The following FAM178B variants were observed in gnomAD, a reference collection of about 807,000 sequenced individuals.
FAM178B encodes family with sequence similarity 178 member B.
FAM178B carries 82 observed loss-of-function variants against 91.7 expected under a neutral mutation model. That is an observed-to-expected ratio of 0.89 (90% CI 0.75 to 1.07). The LOEUF is 1.07. Ranked by LOEUF, FAM178B falls within the 50% of genes least tolerant of loss-of-function variation. FAM178B has a pLI of 0.00. For synonymous variants in FAM178B, 368 were observed against 359.4 expected (o/e 1.02, Z -0.27); for missense variants, 769 against 846.7 (o/e 0.91, Z 1.14).
At chr2:96,967,412 G>T in intron 5 of FAM178B, 108 bp downstream of exon 5, 1 of 645,464 alleles carries the variant, frequency 1.5e-6, no homozygotes, top group Non-Finnish European at 2.7e-6. Flanking sequence ...TTCACAAATA[G>T]TACACAAATC....
At chr2:96,898,526 C>G (rs1009909255) in intron 13 of FAM178B, among the ~76,000 whole-genome samples, 1 of 152,118 alleles carries the variant, frequency 6.6e-6, no homozygotes, top group African/African-American at 2.4e-5. Flanking sequence ...TGGTGGTGCA[C>G]GCCCATAGTC....
At chr2:96,926,645 T>G in intron 9 of FAM178B, among the ~76,000 whole-genome samples, 1 of 127,384 alleles carries the variant, frequency 7.9e-6, no homozygotes, top group East Asian at 2.2e-4. Context: ...CCCAGTCTCA[T>G]CATTGAGCAG....
chr2:96,966,182 G>A (rs910602951), intron 5 of FAM178B, among the ~76,000 whole-genome samples: 2 of 152,154 alleles, frequency 1.3e-5, no homozygotes, highest in East Asian at 1.9e-4. Context: ...CACGCCAGGT[G>A]CACTCCCACA....
chr2:96,937,189 C>A (rs1331150478), intron 8 of FAM178B, among the ~76,000 whole-genome samples: 5 of 104,448 alleles, frequency 4.8e-5, no homozygotes, highest in African/African-American at 3.8e-4. Flanking sequence ...AACCACCACA[C>A]CTGGCCTGTT....
At chr2:96,926,571 C>T (rs1266972653) in intron 9 of FAM178B, among the ~76,000 whole-genome samples, 2 of 152,208 alleles carry the variant, frequency 1.3e-5, no homozygotes, top group Non-Finnish European at 2.9e-5. Flanking sequence ...AGCTCCCCCA[C>T]CACCCGCTTC....
At chr2:96,912,990 C>T (rs999329827) in intron 12 of FAM178B, among the ~76,000 whole-genome samples, 4 of 152,032 alleles carry the variant, frequency 2.6e-5, no homozygotes, top group African/African-American at 4.8e-5. Context: ...GGCAGGAGCT[C>T]GAGGGAGATG....
chr2:96,921,364 C>G (rs989121833), intron 11 of FAM178B, 102 bp from the exon 12 acceptor site: 2 of 1,506,168 alleles, frequency 1.3e-6, no homozygotes, highest in South Asian at 1.2e-5. Flanking sequence ...TCACGGAGAT[C>G]AGGGACATTC....
intron 14 of FAM178B, among the ~76,000 whole-genome samples, chr2:96,878,843 G>T (rs1574171638): frequency 1.3e-5 from 2 of 152,332 alleles, no homozygotes; most frequent in African/African-American, 2.4e-5. Context: ...TGGGGAGAGG[G>T]GCCTATCCAC....
intron 1 of FAM178B, among the ~76,000 whole-genome samples, chr2:96,973,610 CA>C (rs944806635): frequency 1.8e-4 from 28 of 152,010 alleles, no homozygotes; most frequent in Non-Finnish European, 2.6e-4. Context: ...TCGCAGTTTA[CA>C]AAAAACAAAC....
At chr2:96,882,840 T>C (rs2080420351) in intron 14 of FAM178B, among the ~76,000 whole-genome samples, 1 of 152,118 alleles carries the variant, frequency 6.6e-6, no homozygotes, top group Non-Finnish European at 1.5e-5. Flanking sequence ...GGCACGTTAG[T>C]CAGGCTGGGA....
At position 96,967,543 on chromosome 2, in the gene FAM178B, T is replaced by C. The variant is rs1252393503; in HGVS notation, c.711A>G (p.Glu237=). Residue 237 remains glutamate (E), a synonymous_variant, in exon 5 of 17, where the codon GAA becomes GAG. Coordinates refer to ENST00000490605, the MANE Select transcript of FAM178B (RefSeq NM_001122646.3). ...NLNSLDLDEE[E]VPLTPEHRML... is the part of the protein sequence containing the mutation. The stretch of plus-strand genomic sequence containing the variant: ...ACCTGTGCTCGGGTGTGAGTGGCAC[T>C]TCCTCTTCATCAAGATCCAAGGAGT... 6.5e-7 allele frequency: 1 copy of C among 1,550,228 alleles called. No individual in the cohort carries two copies. The highest frequency in any genetic ancestry group is 2.0e-5 in the Admixed American group (1 of 51,006).
chr2:96,877,609 G>GCCA (rs1415166987), intron 16 of FAM178B: 7 of 391,290 alleles, frequency 1.8e-5, no homozygotes, highest in Admixed American at 1.5e-4. Context: ...CACCATGTTG[G>GCCA]CCAGGCTGGT....
intron 13 of FAM178B, chr2:96,898,023 C>A (rs745494656): frequency 3.2e-5 from 32 of 985,412 alleles, no homozygotes; most frequent in African/African-American, 3.5e-5. Flanking sequence ...GATACAGAGC[C>A]CAGCAGCTTG....
At position 96,971,955 on chromosome 2, in the gene FAM178B, TG is replaced by T; in HGVS notation, c.509del (p.Pro170GlnfsTer11). The T allele has an allele frequency of 1.3e-6, 2 of 1,551,232 alleles. No individual in the cohort carries two copies. Among genetic ancestry groups the T allele is most frequent in the Middle Eastern group, 1.7e-4 (1 of 5,936 alleles). Reference sequence around the variant, plus strand: ...CTGACGTGTTCCAGAACAGCTTCTCTGGCAAGGCCAGGCCCCTCTTCGGGTC... The same window carrying T: ...CTGACGTGTTCCAGAACAGCTTCTCTGCAAGGCCAGGCCCCTCTTCGGGTC... ...DLDPKRGLAL[P>X]EKLFWNTSGL... On this transcript the variant is annotated frameshift_variant, in exon 3 of 17. Coordinates refer to ENST00000490605, the MANE Select transcript of FAM178B (RefSeq NM_001122646.3). LOFTEE classifies it high-confidence loss of function.
intron 8 of FAM178B, among the ~76,000 whole-genome samples, chr2:96,936,515 G>GTT (rs202100606): frequency 1.3e-4 from 16 of 125,750 alleles, no homozygotes; most frequent in African/African-American, 4.1e-4. Flanking sequence ...TTTTTTGGTT[G>GTT]TTTTTTTTTT....
At chr2:96,971,794 A>C in intron 3 of FAM178B, 107 bp downstream of exon 3, 2 of 1,095,118 alleles carry the variant, frequency 1.8e-6, no homozygotes, top group Non-Finnish European at 2.5e-6. Flanking sequence ...TGTCCGAGGA[A>C]GAGCAGCTGG....
intron 6 of FAM178B, among the ~76,000 whole-genome samples, chr2:96,952,298 G>A (rs1469821945): frequency 5.3e-5 from 8 of 152,190 alleles, no homozygotes; most frequent in African/African-American, 1.4e-4. Flanking sequence ...AAAGGGGCCC[G>A]GGATGAAGAC....
At chr2:96,928,404 C>T (rs185213803) in intron 9 of FAM178B, among the ~76,000 whole-genome samples, 10 of 152,282 alleles carry the variant, frequency 6.6e-5, no homozygotes, top group South Asian at 2.1e-4. Context: ...TTATGCATCA[C>T]GTGGCACTCC....
At chr2:96,886,376 C>T (rs1248234882) in intron 14 of FAM178B, among the ~76,000 whole-genome samples, 15 of 152,206 alleles carry the variant, frequency 9.9e-5, no homozygotes, top group African/African-American at 1.9e-4. Context: ...ATTCGAGGGC[C>T]GAAGCTCTTT....
Sources: allele counts gnomAD v4.1 joint callset (sites outside exome capture counted in the v4.1 genomes callset), GRCh38; gene constraint gnomAD v4.1.1; transcripts MANE v1.5; gene names NCBI Gene and HGNC (gene_info 2026-07-23, HGNC 2026-07-21).